Variants in PGM5 observed in about 807,000 individuals in gnomAD.
PGM5 encodes the protein phosphoglucomutase 5, also known as phosphoglucomutase-like protein 5.
In PGM5, 23 loss-of-function variants were observed where a neutral mutation model predicts 59.2. The ratio of observed to expected loss-of-function variants is 0.39; its 90% CI spans 0.28 to 0.55. The LOEUF is 0.55. Among genes scored for constraint, PGM5 ranks in the 20% least tolerant of loss-of-function variants. The pLI is 0.66. For synonymous variants in PGM5, 214 were observed against 286.0 expected, an observed-to-expected ratio of 0.75 and a Z score of 2.54; for missense variants, 574 against 748.3, an observed-to-expected ratio of 0.77 and a Z score of 2.72.
chr9:68,433,552 C>G (rs1179402594), intron 6 of PGM5, among the ~76,000 whole-genome samples: 1 of 152,184 alleles, frequency 6.6e-6, no homozygotes, highest in Non-Finnish European at 1.5e-5. Context: ...TGAGAGCCAC[C>G]ACTGAGCAAA....
At chr9:68,452,886 A>G (rs12353500) in intron 6 of PGM5, among the ~76,000 whole-genome samples, 24,658 of 152,192 alleles carry the variant, frequency 0.16, 3,118 homozygotes, top group East Asian at 0.38. Flanking sequence ...TTTGGACAAG[A>G]CATCTTGCTG....
At chr9:68,482,091 C>A (rs1344914989) in intron 8 of PGM5, among the ~76,000 whole-genome samples, 1 of 152,158 alleles carries the variant, frequency 6.6e-6, no homozygotes, top group Non-Finnish European at 1.5e-5. Flanking sequence ...TGGTGGTGAT[C>A]AGACGGGGAT....
At chr9:68,463,353 G>A (rs1823886669) in intron 6 of PGM5, among the ~76,000 whole-genome samples, 1 of 152,120 alleles carries the variant, frequency 6.6e-6, no homozygotes, top group Non-Finnish European at 1.5e-5. Context: ...AAATCTTGCT[G>A]TTCGTAGGCA....
chr9:68,382,016 G>A (rs1376508771), intron 2 of PGM5, among the ~76,000 whole-genome samples: 2 of 151,770 alleles, frequency 1.3e-5, no homozygotes, highest in Non-Finnish European at 2.9e-5. Flanking sequence ...CATTCTTCAT[G>A]GAAATAGAAA....
At chr9:68,401,178 TG>T (rs2132026527) in intron 6 of PGM5, among the ~76,000 whole-genome samples, 1 of 152,272 alleles carries the variant, frequency 6.6e-6, no homozygotes, top group South Asian at 2.1e-4. Flanking sequence ...TTGGAGATAG[TG>T]GTTAAATCCT....
chr9:68,402,323 T>A (rs1822694667), intron 6 of PGM5: 2 of 151,756 alleles, frequency 1.3e-5, no homozygotes, highest in African/African-American at 4.8e-5. Context: ...TTGATAAAGG[T>A]GATAAAAATA....
Position 68,483,946 on chromosome 9 carries a change from C to T in PGM5, c.1377C>T (p.Phe459=). The T allele has an allele frequency of 6.2e-7, 1 of 1,614,166 alleles. No individual in the cohort carries two copies. Among genetic ancestry groups the T allele is most frequent in the South Asian group, 1.1e-5 (1 of 91,080 alleles). ...DLEALVTDKS[F]IGQQFAVGSH... is the part of the protein sequence containing the mutation. ...AGGCCCTGGTCACAGACAAATCCTT[C>T]ATTGGCCAGCAGTTTGCTGTGGGGA... Residue 459 remains phenylalanine, a synonymous_variant, in exon 9 of 11, where the codon TTC becomes TTT. Coordinates refer to ENST00000396396, the MANE Select transcript of PGM5 (RefSeq NM_021965.4).
At chr9:68,382,305 A>G (rs1307883085) in intron 2 of PGM5, among the ~76,000 whole-genome samples, 4 of 151,912 alleles carry the variant, frequency 2.6e-5, no homozygotes, top group African/African-American at 7.2e-5. Context: ...GGTGCCTGGG[A>G]AAACAAAAAT....
intron 9 of PGM5, among the ~76,000 whole-genome samples, chr9:68,493,456 T>C (rs1272315351): frequency 2.6e-5 from 4 of 152,218 alleles, no homozygotes; most frequent in African/African-American, 9.6e-5. Flanking sequence ...CCTCAGATTG[T>C]AAGCCTAGAG....
At chr9:68,383,430 TG>T (rs199708208) in intron 2 of PGM5, among the ~76,000 whole-genome samples, 10,623 of 151,942 alleles carry the variant, frequency 0.07, 171 homozygotes, top group Middle Eastern at 0.19. Context: ...CTTCAAAATT[TG>T]GTGTGCATTT....
chr9:68,392,631 G>A (rs868924232), intron 6 of PGM5, among the ~76,000 whole-genome samples, 158 bp downstream of exon 6: 1 of 152,110 alleles, frequency 6.6e-6, no homozygotes, highest in Non-Finnish European at 1.5e-5. Context: ...TGGAGAATCA[G>A]GTGGCCTGAG....
chr9:68,464,036 C>A (rs1287004925), intron 6 of PGM5, among the ~76,000 whole-genome samples: 1 of 152,150 alleles, frequency 6.6e-6, no homozygotes. Flanking sequence ...GAGATTCATT[C>A]AAATTGTTGC....
chr9:68,511,739 A>G, intron 10 of PGM5, among the ~76,000 whole-genome samples: 1 of 151,178 alleles, frequency 6.6e-6, no homozygotes, highest in East Asian at 1.9e-4. Context: ...TTAGTAGAGA[A>G]GGGGTTTCAC....
At chr9:68,499,707 C>T (rs10780985) in intron 10 of PGM5, among the ~76,000 whole-genome samples, 107,193 of 151,420 alleles carry the variant, frequency 0.71, 38,587 homozygotes, top group East Asian at 0.99. Flanking sequence ...ACTCTCAGAG[C>T]CTTGACTACG....
chr9:68,521,386 C>T (rs1824897541), intron 10 of PGM5, among the ~76,000 whole-genome samples: 1 of 152,260 alleles, frequency 6.6e-6, no homozygotes, highest in South Asian at 2.1e-4. Flanking sequence ...CTTCCGAAGT[C>T]TTTTGGAGAA....
intron 10 of PGM5, among the ~76,000 whole-genome samples, chr9:68,520,767 G>A (rs1824890203): frequency 6.6e-6 from 1 of 152,164 alleles, no homozygotes; most frequent in Non-Finnish European, 1.5e-5. Flanking sequence ...AAAAAACCTG[G>A]ACGTAGGCTA....
chr9:68,477,551 C>T (rs1189800312), intron 7 of PGM5, among the ~76,000 whole-genome samples: 1 of 152,196 alleles, frequency 6.6e-6, no homozygotes, highest in Non-Finnish European at 1.5e-5. Context: ...CATTGCCCTG[C>T]TGCAAGAAGG....
chr9:68,518,738 G>T (rs1396224089), intron 10 of PGM5, among the ~76,000 whole-genome samples: 1 of 152,212 alleles, frequency 6.6e-6, no homozygotes, highest in Non-Finnish European at 1.5e-5. Context: ...TAAGATTGCT[G>T]CCTTTGGAAG....
chr9:68,372,533 T>G lies in PGM5; in HGVS notation c.262-5666T>G, dbSNP rs1328731197. Among the ~76,000 whole-genome samples, 3 of 152,150 alleles carry G rather than the reference T, an allele frequency of 2.0e-5. No homozygotes were observed. The East Asian group carries it at 5.8e-4, about 29-fold the overall frequency. On this transcript the variant is annotated intron_variant, in intron 1 of 10. Transcript: ENST00000396396. ...CCTGCTGCTGGTAGAGTAGGCACTC[T>G]GCAGTGGCCATAGCCAGGTCAGCCT...
Sources: allele counts gnomAD v4.1 joint callset (sites outside exome capture counted in the v4.1 genomes callset), GRCh38; gene constraint gnomAD v4.1.1; transcripts MANE v1.5; gene names NCBI Gene and HGNC (gene_info 2026-07-23, HGNC 2026-07-21).